DLGAP1: variants seen among roughly 807,000 people sequenced by gnomAD.
DLGAP1 encodes the protein DLG associated protein 1, also known as disks large-associated protein 1.
A neutral mutation model predicts 90.8 loss-of-function variants in DLGAP1; 11 were observed. The ratio of observed to expected loss-of-function variants is 0.12; its 90% CI spans 0.08 to 0.20. DLGAP1 has a LOEUF of 0.20. Among genes scored for constraint, DLGAP1 ranks in the 10% least tolerant of loss-of-function variants. DLGAP1 has a pLI of 1.00. For missense variants in DLGAP1, 1,050 were observed against 1,333.8 expected (o/e 0.79, Z 3.31); for synonymous variants, 558 against 540.7 (o/e 1.03, Z -0.44).
At chr18:4,115,230 T>C (rs1026197247) in intron 2 of DLGAP1, among the ~76,000 whole-genome samples, 1 of 152,140 alleles carries the variant, frequency 6.6e-6, no homozygotes, top group Admixed American at 6.5e-5. Context: ...TACTCATATA[T>C]GTGTCTATTC....
At chr18:4,031,238 G>A (rs1177532696) in intron 2 of DLGAP1, among the ~76,000 whole-genome samples, 2 of 151,912 alleles carry the variant, frequency 1.3e-5, no homozygotes, top group African/African-American at 4.8e-5. Context: ...ACGAAATTAT[G>A]TGTTGAGCAA....
At chr18:3,665,769 C>A (rs1381258615) in intron 7 of DLGAP1, among the ~76,000 whole-genome samples, 1 of 152,176 alleles carries the variant, frequency 6.6e-6, no homozygotes, top group Non-Finnish European at 1.5e-5. Context: ...CAGGCATATT[C>A]CGTATCATTT....
At chr18:3,950,164 A>G (rs1034034457) in intron 3 of DLGAP1, among the ~76,000 whole-genome samples, 40 of 152,228 alleles carry the variant, frequency 2.6e-4, no homozygotes, top group African/African-American at 9.7e-4. Flanking sequence ...AAATCCCACA[A>G]AATGAGTTAA....
At chr18:3,743,833 A>G (rs2063159091) in intron 5 of DLGAP1, among the ~76,000 whole-genome samples, 1 of 152,004 alleles carries the variant, frequency 6.6e-6, no homozygotes, top group Admixed American at 6.6e-5. Context: ...TACTTTTTGT[A>G]GAGATGGGGT....
intron 2 of DLGAP1, among the ~76,000 whole-genome samples, chr18:4,095,774 A>G (rs1298622311): frequency 6.6e-6 from 1 of 152,120 alleles, no homozygotes; most frequent in East Asian, 1.9e-4. Flanking sequence ...TGATGAATAA[A>G]GACAAGAAGG....
In DLGAP1 at chr18:4,075,135, C is replaced by T. The variant is rs77128996; in HGVS notation, c.-158-69934G>A. 4.3e-3 allele frequency among the ~76,000 whole-genome samples: 658 copies of T among 152,254 alleles called. 4 individuals are homozygous for T. The highest frequency in any genetic ancestry group is 7.4e-3 in the Non-Finnish European group (505 of 68,004). ...TTTCCTCTTGTTTACTTCATGGGGG[C>T]AGCCACTTGACATTAAAATGCTTTT... is the stretch of plus-strand genomic sequence containing the variant. On this transcript the variant is annotated intron_variant, in intron 2 of 12. Transcript: ENST00000315677.
At chr18:4,302,236 T>A (rs1347549617) in intron 1 of DLGAP1, among the ~76,000 whole-genome samples, 1 of 152,148 alleles carries the variant, frequency 6.6e-6, no homozygotes. Flanking sequence ...GGTTGTGTAG[T>A]TTTTCCCCCG....
intron 2 of DLGAP1, among the ~76,000 whole-genome samples, chr18:4,013,440 T>C (rs2074465167): frequency 6.6e-6 from 1 of 152,174 alleles, no homozygotes. Flanking sequence ...CAGTCTTCCT[T>C]TCAAATGGGT....
chr18:3,831,256 T>A (rs1328652578), intron 4 of DLGAP1, among the ~76,000 whole-genome samples: 1 of 152,156 alleles, frequency 6.6e-6, no homozygotes, highest in African/African-American at 2.4e-5. Context: ...CACCAGATCA[T>A]GGCAGGACGA....
At chr18:4,023,515 A>G (rs2074648586) in intron 2 of DLGAP1, among the ~76,000 whole-genome samples, 1 of 152,132 alleles carries the variant, frequency 6.6e-6, no homozygotes, top group South Asian at 2.1e-4. Context: ...TTTGCATTCA[A>G]TGTTATTATT....
At chr18:4,053,361 C>G (rs1478432527) in intron 2 of DLGAP1, among the ~76,000 whole-genome samples, 3 of 152,152 alleles carry the variant, frequency 2.0e-5, no homozygotes. Context: ...ATATAACCAT[C>G]AGGTCTTGTG....
At chr18:3,904,982 A>C (rs865882130) in intron 3 of DLGAP1, among the ~76,000 whole-genome samples, 4 of 147,882 alleles carry the variant, frequency 2.7e-5, no homozygotes, top group Admixed American at 6.7e-5. Flanking sequence ...CCTATTATTC[A>C]TTATTATTAT....
At chr18:3,791,941 G>A (rs2065754610) in intron 5 of DLGAP1, among the ~76,000 whole-genome samples, 1 of 152,106 alleles carries the variant, frequency 6.6e-6, no homozygotes. Context: ...AAGGCAAATG[G>A]GCAATTCATC....
chr18:4,080,477 T>C (rs73382701), intron 2 of DLGAP1, among the ~76,000 whole-genome samples: 11,057 of 152,248 alleles, frequency 0.073, 999 homozygotes, highest in African/African-American at 0.21. Context: ...GCTGGAAACA[T>C]GATAATAGCT....
intron 7 of DLGAP1, among the ~76,000 whole-genome samples, chr18:3,619,793 G>A (rs557084760): frequency 1.9e-3 from 253 of 131,250 alleles, no homozygotes; most frequent in Non-Finnish European, 3.5e-3. Flanking sequence ...GATATTTGCC[G>A]GAGTTGGTTT....
chr18:4,223,120 G>A (rs1407180876), intron 1 of DLGAP1, among the ~76,000 whole-genome samples: 1 of 151,684 alleles, frequency 6.6e-6, no homozygotes, highest in African/African-American at 2.4e-5. Flanking sequence ...ATAAAATACT[G>A]TTATTATTTT....
chr18:3,959,226 A>G (rs531741973), intron 3 of DLGAP1, among the ~76,000 whole-genome samples: 26 of 152,224 alleles, frequency 1.7e-4, no homozygotes, highest in African/African-American at 5.5e-4. Context: ...TTAAGACTCA[A>G]TTTTAGCGAG....
intron 5 of DLGAP1, among the ~76,000 whole-genome samples, chr18:3,773,413 T>C (rs2064787380): frequency 6.6e-6 from 1 of 152,234 alleles, no homozygotes; most frequent in Admixed American, 6.5e-5. Context: ...GAACAGTAGA[T>C]AAATATTTAT....
At chr18:3,576,263 T>TC (rs1491131328) in intron 8 of DLGAP1, among the ~76,000 whole-genome samples, 1 of 138,484 alleles carries the variant, frequency 7.2e-6, no homozygotes, top group Non-Finnish European at 1.6e-5. Flanking sequence ...CTCCAACTCC[T>TC]TTTTTTTTTT....
Sources: allele counts gnomAD v4.1 joint callset (sites outside exome capture counted in the v4.1 genomes callset), GRCh38; gene constraint gnomAD v4.1.1; transcripts MANE v1.5; gene names NCBI Gene and HGNC (gene_info 2026-07-23, HGNC 2026-07-21).